Variants in TMEM74 observed in about 807,000 individuals in gnomAD.
TMEM74 encodes transmembrane protein 74.
In TMEM74, 13 loss-of-function variants were observed where a neutral mutation model predicts 18.1. The observed-to-expected ratio is 0.72, with a 90% CI of 0.47 to 1.14. TMEM74 has a LOEUF of 1.14. Among genes scored for constraint, TMEM74 ranks in the 50% most tolerant of loss-of-function variants. The probability of loss-of-function intolerance (pLI) is 0.00; values close to 1 mark genes in which losing one functional copy is unlikely to be tolerated. For synonymous variants in TMEM74, 159 were observed against 146.6 expected, an observed-to-expected ratio of 1.08 and a Z score of -0.61; for missense variants, 372 against 375.9, an observed-to-expected ratio of 0.99 and a Z score of 0.09.
intron 1 of TMEM74, among the ~76,000 whole-genome samples, chr8:108,710,000 G>A (rs1041935698): frequency 7.9e-5 from 12 of 152,162 alleles, no homozygotes; most frequent in African/African-American, 2.2e-4. Context: ...ACCACTTACT[G>A]TAAGTGACTT....
intron 1 of TMEM74, among the ~76,000 whole-genome samples, chr8:108,656,087 T>C (rs1025140780): frequency 6.6e-6 from 1 of 152,102 alleles, no homozygotes; most frequent in African/African-American, 2.4e-5. Flanking sequence ...CAAAAGGAAT[T>C]TTCCCCTCTC....
intron 2 of TMEM74, among the ~76,000 whole-genome samples, chr8:108,623,015 A>C (rs942774569): frequency 6.6e-6 from 1 of 152,082 alleles, no homozygotes; most frequent in Non-Finnish European, 1.5e-5. Context: ...AGTGGCAGAA[A>C]AACTATGGTG....
intron 2 of TMEM74, among the ~76,000 whole-genome samples, chr8:108,617,712 A>T (rs1377458026): frequency 6.6e-6 from 1 of 152,082 alleles, no homozygotes; most frequent in African/African-American, 2.4e-5. Context: ...AGCCCTAGGG[A>T]GATGTGGGGG....
intron 1 of TMEM74, among the ~76,000 whole-genome samples, chr8:108,715,711 C>T (rs3019351): frequency 0.37 from 55,379 of 151,612 alleles, 10,583 homozygotes; most frequent in East Asian, 0.6. Context: ...AATAAAAATA[C>T]AAAAAACATA....
At chr8:108,775,308 T>C (rs549504538), downstream of TMEM74, among the ~76,000 whole-genome samples, 23 of 152,300 alleles carry the variant, frequency 1.5e-4, no homozygotes, top group Non-Finnish European at 2.6e-4. Context: ...CTTTTATCTA[T>C]GGCCACATCT....
At chr8:108,763,623 T>A (rs563224112) in intron 1 of TMEM74, among the ~76,000 whole-genome samples, 1 of 152,264 alleles carries the variant, frequency 6.6e-6, no homozygotes, top group South Asian at 2.1e-4. Context: ...TTATGGTGTT[T>A]AGAGTAATAA....
chr8:108,731,112 A>G (rs1470587172), intron 1 of TMEM74, among the ~76,000 whole-genome samples: 1 of 151,916 alleles, frequency 6.6e-6, no homozygotes, highest in Non-Finnish European at 1.5e-5. Flanking sequence ...TTTGCCTTTT[A>G]TAAACCTTTT....
intron 2 of TMEM74, among the ~76,000 whole-genome samples, chr8:108,612,864 T>C (rs943378750): frequency 6.6e-6 from 1 of 152,210 alleles, no homozygotes; most frequent in Admixed American, 6.5e-5. Flanking sequence ...TAAATTTGCT[T>C]GACATGATTA....
At chr8:108,636,601 C>T (rs540253946) in intron 2 of TMEM74, among the ~76,000 whole-genome samples, 1 of 152,166 alleles carries the variant, frequency 6.6e-6, no homozygotes, top group East Asian at 1.9e-4. Context: ...TTTGGAAGAT[C>T]AGGCCTACCT....
At chr8:108,710,716 C>T (rs1813466250) in intron 1 of TMEM74, among the ~76,000 whole-genome samples, 1 of 152,192 alleles carries the variant, frequency 6.6e-6, no homozygotes. Context: ...TCAGGGTCAG[C>T]AGCTTAACTC....
At chr8:108,660,143 T>C (rs1338337840) in intron 1 of TMEM74, among the ~76,000 whole-genome samples, 2 of 152,158 alleles carry the variant, frequency 1.3e-5, no homozygotes, top group African/African-American at 2.4e-5. Flanking sequence ...CAGGACCTAC[T>C]TGTTTTCCAA....
chr8:108,721,516 G>A (rs1269237596), intron 1 of TMEM74, among the ~76,000 whole-genome samples: 3 of 152,104 alleles, frequency 2.0e-5, no homozygotes, highest in Non-Finnish European at 2.9e-5. Flanking sequence ...TTTCTCACTC[G>A]GGATTTGGGT....
intron 2 of TMEM74, among the ~76,000 whole-genome samples, chr8:108,637,986 G>A (rs1314832381): frequency 3.3e-5 from 5 of 152,140 alleles, no homozygotes; most frequent in Non-Finnish European, 1.5e-5. Context: ...GGCTGATTGT[G>A]TGTTTCTAGT....
At chr8:108,677,013 T>G (rs1273813196) in intron 1 of TMEM74, among the ~76,000 whole-genome samples, 3 of 152,252 alleles carry the variant, frequency 2.0e-5, no homozygotes, top group African/African-American at 7.2e-5. Flanking sequence ...CAAAACATTA[T>G]TCAAAGATCA....
chr8:108,785,029 T>C lies in TMEM74; in HGVS notation c.70A>G (p.Arg24Gly). 1 of 1,614,080 alleles carries C rather than the reference T, an allele frequency of 6.2e-7. No homozygotes were observed. Among genetic ancestry groups the C allele is most frequent in the South Asian group, 1.1e-5 (1 of 91,068 alleles). Residue 24 changes from arginine (R) to glycine (G), a missense_variant, in exon 2 of 2, where the codon AGA becomes GGA. By Grantham distance (125) the Arg-to-Gly change is moderately radical. Transcript: ENST00000297459. ...TCTGCCTGGTCACCAGGCAGCCCTC[T>C]TGAACTCCAGTCCCTGGCATCACAG... ...DLCDARDWSS[R>G]GLPGDQADTA...
downstream of TMEM74, among the ~76,000 whole-genome samples, chr8:108,775,902 C>G (rs1215716543): frequency 6.6e-6 from 1 of 152,140 alleles, no homozygotes; most frequent in Non-Finnish European, 1.5e-5. Flanking sequence ...ACTGATTATG[C>G]CATTTCAGTA....
intron 3 of TMEM74, among the ~76,000 whole-genome samples, chr8:108,607,969 G>T (rs1812293514): frequency 6.6e-6 from 1 of 152,044 alleles, no homozygotes; most frequent in Non-Finnish European, 1.5e-5. Context: ...ATGTATTTTT[G>T]TGTATTAGGA....
chr8:108,613,621 C>A (rs1275277941), intron 2 of TMEM74, among the ~76,000 whole-genome samples: 1 of 152,116 alleles, frequency 6.6e-6, no homozygotes, highest in African/African-American at 2.4e-5. Flanking sequence ...AACCTTGAAG[C>A]CATTTAGACC....
Position 108,668,105 on chromosome 8 carries a change from T to C in TMEM74, n.120-12668A>G, listed in dbSNP as rs1169714189. ...AATCAGTTTGCCACTAAAATTTGGT[T>C]ATTGGAATGTCCTTTAAAAGGCAAA... is the stretch of plus-strand genomic sequence containing the variant. On this transcript the variant is annotated intron_variant and non_coding_transcript_variant, in intron 1 of 3. Transcript: ENST00000518838. 2.6e-5 allele frequency among the ~76,000 whole-genome samples: 4 copies of C among 152,176 alleles called. No homozygotes were observed. In the East Asian group the frequency reaches 7.7e-4, roughly 29 times the overall value.
Sources: allele counts gnomAD v4.1 joint callset (sites outside exome capture counted in the v4.1 genomes callset), GRCh38; gene constraint gnomAD v4.1.1; transcripts MANE v1.5; gene names NCBI Gene and HGNC (gene_info 2026-07-23, HGNC 2026-07-21).